Variants in FNBP1 observed in about 807,000 individuals in gnomAD.
FNBP1 encodes the protein formin binding protein 1.
A neutral mutation model predicts 90.6 loss-of-function variants in FNBP1; 26 were observed. That is an observed-to-expected ratio of 0.29 (90% CI 0.21 to 0.40). The LOEUF (loss-of-function observed/expected upper bound fraction) is 0.40, where lower values mean the gene tolerates loss of function less well. FNBP1 is among the 10% of genes least tolerant of loss of function. The pLI is 1.00. For synonymous variants in FNBP1, 260 were observed against 265.2 expected (o/e 0.98, Z 0.19); for missense variants, 635 against 768.0 (o/e 0.83, Z 2.05).
the FNBP1 span, among the ~76,000 whole-genome samples, chr9:130,051,819 G>A: frequency 6.6e-6 from 1 of 152,024 alleles, no homozygotes; most frequent in Non-Finnish European, 1.5e-5. Flanking sequence ...AAAAAAAAAG[G>A]AGAGAAAATA....
intron 1 of FNBP1, among the ~76,000 whole-genome samples, chr9:130,018,139 C>G (rs921599259): frequency 6.6e-6 from 1 of 151,514 alleles, no homozygotes; most frequent in Non-Finnish European, 1.5e-5. Context: ...TGGTCTCGAT[C>G]TCCTGACCTT....
chr9:130,048,442 C>G, the FNBP1 span, among the ~76,000 whole-genome samples: 1 of 148,518 alleles, frequency 6.7e-6, no homozygotes, highest in Non-Finnish European at 1.5e-5. Flanking sequence ...GTCCAGACAG[C>G]TATAGAGAGC....
At chr9:129,919,954 T>C (rs559199979) in intron 10 of FNBP1, among the ~76,000 whole-genome samples, 9 of 152,218 alleles carry the variant, frequency 5.9e-5, no homozygotes, top group Non-Finnish European at 1.2e-4. Context: ...ATGAAATCTA[T>C]TTCTCCAAAC....
At position 129,889,703 on chromosome 9, in the gene FNBP1, G is replaced by T. The variant is rs1041863700; in HGVS notation, c.*836C>A. The T allele has an allele frequency of 8.6e-6, 2 of 231,478 alleles. No individual in the cohort carries two copies. Among genetic ancestry groups the T allele is most frequent in the African/African-American group, 2.2e-5 (1 of 45,300 alleles). 14.3% of individuals were successfully genotyped at this position (231,478 alleles called of 1,614,324 possible). ...AGAGGGGAGGGCCTCGCTCACAAGC[G>T]CATGATCTACAGTTCTCAGGGACAG... On this transcript the variant is annotated 3_prime_UTR_variant, in exon 17 of 17. Transcript: ENST00000446176.
At chr9:129,971,139 C>A (rs1183778502) in intron 4 of FNBP1, among the ~76,000 whole-genome samples, 1 of 151,920 alleles carries the variant, frequency 6.6e-6, no homozygotes, top group Non-Finnish European at 1.5e-5. Context: ...GATATGCCCA[C>A]CTCCGCCTCC....
At position 129,887,359 on chromosome 9, in the gene FNBP1, A is replaced by AATT. The variant is rs2034814912; in HGVS notation, c.*3177_*3179dup. ...ACAGCAAAATGCCTCCAAAGTTTAGAATTAGTGCAACACACATACGAACAT... is the reference window on the plus strand; with the variant it reads ...ACAGCAAAATGCCTCCAAAGTTTAGAATTATTAGTGCAACACACATACGAACAT... On this transcript the variant is annotated 3_prime_UTR_variant, in exon 17 of 17. Transcript: ENST00000446176. 5.0e-6 allele frequency: 1 copy of AATT among 200,150 alleles called. No individual in the cohort carries two copies. Among genetic ancestry groups the AATT allele is most frequent in the Non-Finnish European group, 1.0e-5 (1 of 96,812 alleles). 12.4% of individuals were successfully genotyped at this position (200,150 alleles called of 1,614,324 possible). A position where few individuals can be genotyped will look rare whatever the true frequency, so the allele number is the denominator to read the frequency against.
intron 1 of FNBP1, among the ~76,000 whole-genome samples, chr9:130,000,773 C>T (rs371352797): frequency 1.1e-3 from 163 of 152,228 alleles, no homozygotes; most frequent in African/African-American, 3.8e-3. Context: ...GACAGGCTCA[C>T]TTCATTTATT....
At chr9:129,929,406 T>C (rs1270335979) in intron 7 of FNBP1, among the ~76,000 whole-genome samples, 161 bp downstream of exon 7, 1 of 70,140 alleles carries the variant, frequency 1.4e-5, no homozygotes, top group African/African-American at 6.7e-5. Flanking sequence ...CAAGACTCTG[T>C]CTCAAAAAAA....
At chr9:129,910,839 ACTCT>A (rs2039139536) in intron 11 of FNBP1, among the ~76,000 whole-genome samples, 1 of 103,800 alleles carries the variant, frequency 9.6e-6, no homozygotes, top group Non-Finnish European at 2.1e-5. Context: ...ACACTGACTG[ACTCT>A]CTAATGTGTG....
intron 6 of FNBP1, among the ~76,000 whole-genome samples, chr9:129,955,833 G>GCA (rs10656523): frequency 0.33 from 45,881 of 138,820 alleles, 7,502 homozygotes; most frequent in East Asian, 0.64. Flanking sequence ...TTCTTTTAGC[G>GCA]CGCACACACA....
chr9:129,923,961 A>G lies in FNBP1; in HGVS notation c.1053T>C (p.Ser351=). ...GAGACTGGGGGCCGTTGGGAACAGC[A>G]GAGGGTGAGGCAGAGGCAGGAGGGG... The part of the protein sequence containing the change: ...PPPPPASASP[S]AVPNGPQSPK... Residue 351 remains serine, a synonymous_variant, in exon 10 of 17, where the codon TCT becomes TCC. Coordinates refer to ENST00000446176, the MANE Select transcript of FNBP1 (RefSeq NM_015033.3). 1 of 1,462,906 alleles carries G rather than the reference A, an allele frequency of 6.8e-7. No homozygotes were observed. Among genetic ancestry groups the G allele is most frequent in the Non-Finnish European group, 9.1e-7 (1 of 1,098,108 alleles). 90.6% of individuals were successfully genotyped at this position (1,462,906 alleles called of 1,614,324 possible).
chr9:129,909,784 C>T (rs779041243), intron 11 of FNBP1, among the ~76,000 whole-genome samples: 13 of 152,220 alleles, frequency 8.5e-5, no homozygotes, highest in Admixed American at 2.6e-4. Flanking sequence ...CCACCACGCC[C>T]GGCTAATTTT....
At chr9:129,992,353 T>A (rs914354482) in intron 2 of FNBP1, among the ~76,000 whole-genome samples, 1 of 152,118 alleles carries the variant, frequency 6.6e-6, no homozygotes, top group Non-Finnish European at 1.5e-5. Flanking sequence ...GCCCCTGACG[T>A]GTTGACGAGA....
intron 11 of FNBP1, among the ~76,000 whole-genome samples, chr9:129,915,227 CAT>C (rs1444612700): frequency 6.6e-6 from 1 of 152,092 alleles, no homozygotes; most frequent in African/African-American, 2.4e-5. Context: ...TGGCTGGGAT[CAT>C]TCCTGCACAG....
Position 129,909,017 on chromosome 9 carries a change from A to C in FNBP1, c.1186-18T>G. 1 of 1,563,542 alleles carries C rather than the reference A, an allele frequency of 6.4e-7. No homozygotes were observed. The highest frequency in any genetic ancestry group is 8.8e-7 in the Non-Finnish European group (1 of 1,134,592). On this transcript the variant is annotated intron_variant, in intron 11 of 16. Coordinates refer to ENST00000446176, the MANE Select transcript of FNBP1 (RefSeq NM_015033.3). Reference sequence around the variant, plus strand: ...GTTGCACCCTGCAGACACAAATATAAATGAGAAACCAGAAAGCCCCAGGCT... The same window carrying C: ...GTTGCACCCTGCAGACACAAATATACATGAGAAACCAGAAAGCCCCAGGCT...
chr9:129,960,154 G>A (rs569851091), intron 4 of FNBP1, among the ~76,000 whole-genome samples: 2 of 152,006 alleles, frequency 1.3e-5, no homozygotes, highest in African/African-American at 2.4e-5. Context: ...AGAGGTGGGC[G>A]GATCACGAGG....
At chr9:129,908,318 T>G (rs2131520192) in intron 12 of FNBP1, among the ~76,000 whole-genome samples, 1 of 148,314 alleles carries the variant, frequency 6.7e-6, no homozygotes, top group Non-Finnish European at 1.5e-5. Flanking sequence ...ATCCTTCCAC[T>G]TCAGCCTCCC....
At chr9:129,943,799 T>C (rs2044723814) in intron 6 of FNBP1, among the ~76,000 whole-genome samples, 1 of 151,280 alleles carries the variant, frequency 6.6e-6, no homozygotes, top group Admixed American at 6.6e-5. Flanking sequence ...GAGAACATCC[T>C]GGCTAAGACG....
At chr9:129,909,594 A>G (rs10819574) in intron 11 of FNBP1, among the ~76,000 whole-genome samples, 117,042 of 151,218 alleles carry the variant, frequency 0.77, 45,622 homozygotes, top group East Asian at 0.88. Flanking sequence ...CCCCATGCAC[A>G]CCTCCCTCTG....
Sources: gnomAD v4.1 joint callset for allele counts (sites outside exome capture counted in the v4.1 genomes callset) on GRCh38, gnomAD v4.1.1 for gene constraint, MANE v1.5 for transcripts, NCBI Gene and HGNC (gene_info 2026-07-23, HGNC 2026-07-21) for gene names.